Variants in KLF12 observed in about 807,000 individuals in gnomAD.
The protein encoded by KLF12 is KLF transcription factor 12.
KLF12 carries 9 observed loss-of-function variants against 37.8 expected under a neutral mutation model. The ratio of observed to expected loss-of-function variants is 0.24; its 90% CI spans 0.14 to 0.42. KLF12 has a LOEUF of 0.42. KLF12 is among the 10% of genes least tolerant of loss of function. The probability of loss-of-function intolerance (pLI) is 1.00; values close to 1 mark genes in which losing one functional copy is unlikely to be tolerated. For synonymous variants in KLF12, 208 were observed against 202.1 expected, an observed-to-expected ratio of 1.03 and a Z score of -0.25; for missense variants, 411 against 516.0, an observed-to-expected ratio of 0.80 and a Z score of 1.97.
chr13:73,762,161 C>T (rs1254127504), intron 6 of KLF12, among the ~76,000 whole-genome samples: 2 of 152,148 alleles, frequency 1.3e-5, no homozygotes, highest in Admixed American at 6.6e-5. Flanking sequence ...AGCCTGAATC[C>T]ACTCCAACAT....
At chr13:74,157,460 T>A in the KLF12 span, among the ~76,000 whole-genome samples, 27 of 152,318 alleles carry the variant, frequency 1.8e-4, no homozygotes, top group African/African-American at 6.5e-4. Context: ...CATGTTACCC[T>A]AGACTTAACG....
At chr13:73,991,104 A>G (rs1036178038) in intron 2 of KLF12, among the ~76,000 whole-genome samples, 8 of 152,332 alleles carry the variant, frequency 5.3e-5, no homozygotes, top group African/African-American at 1.9e-4. Flanking sequence ...GATAAATAAG[A>G]TACCCAACAC....
chr13:73,910,393 C>G (rs1050590319), intron 3 of KLF12, among the ~76,000 whole-genome samples: 2 of 152,094 alleles, frequency 1.3e-5, no homozygotes. Flanking sequence ...ATTTTGTAAT[C>G]AAGTCATAAA....
At chr13:73,775,544 T>C (rs1880559789) in intron 5 of KLF12, among the ~76,000 whole-genome samples, 2 of 152,188 alleles carry the variant, frequency 1.3e-5, no homozygotes, top group Non-Finnish European at 2.9e-5. Context: ...TTCATGGATA[T>C]AAATATATTA....
the KLF12 span, among the ~76,000 whole-genome samples, chr13:74,147,951 G>A: frequency 1.3e-4 from 20 of 150,750 alleles, no homozygotes; most frequent in African/African-American, 2.4e-4. Context: ...TCACTCTGTC[G>A]CCCAGGCTGG....
At chr13:74,258,203 G>T in the KLF12 span, 1 of 134,938 alleles carries the variant, frequency 7.4e-6, no homozygotes, top group Non-Finnish European at 1.6e-5. Context: ...GTGTGTGTGT[G>T]TAGTAAAACC....
chr13:73,827,004 C>T (rs1883883602), intron 4 of KLF12, among the ~76,000 whole-genome samples: 1 of 152,166 alleles, frequency 6.6e-6, no homozygotes. Flanking sequence ...TGATCTTGAA[C>T]TCCTGGGCTT....
intron 6 of KLF12, among the ~76,000 whole-genome samples, chr13:73,738,112 T>TATATATACACAC: frequency 1.3e-5 from 1 of 74,758 alleles, no homozygotes; most frequent in Non-Finnish European, 2.7e-5. Context: ...TATATATATA[T>TATATATACACAC]ATATATATAT....
chr13:74,210,910 C>T, the KLF12 span, among the ~76,000 whole-genome samples: 216 of 152,160 alleles, frequency 1.4e-3, 1 homozygote, highest in African/African-American at 4.9e-3. Flanking sequence ...ATCTGGCTTT[C>T]ACATTTGCTC....
intron 1 of KLF12, among the ~76,000 whole-genome samples, chr13:74,027,971 A>G (rs529544837): frequency 2.5e-4 from 38 of 152,284 alleles, no homozygotes; most frequent in Non-Finnish European, 5.0e-4. Flanking sequence ...TGTCCCTTGT[A>G]AAGAAAGAAG....
At chr13:74,241,318 C>G in the KLF12 span, among the ~76,000 whole-genome samples, 1 of 151,484 alleles carries the variant, frequency 6.6e-6, no homozygotes, top group South Asian at 2.1e-4. Context: ...TCTCCAGCTG[C>G]GTACTGGGAG....
At chr13:74,155,414 T>G in the KLF12 span, among the ~76,000 whole-genome samples, 1 of 152,166 alleles carries the variant, frequency 6.6e-6, no homozygotes, top group South Asian at 2.1e-4. Context: ...CAGGCCACTG[T>G]GCAATTGCAT....
At chr13:74,040,425 C>T (rs1255125650) in intron 1 of KLF12, among the ~76,000 whole-genome samples, 1 of 152,152 alleles carries the variant, frequency 6.6e-6, no homozygotes, top group African/African-American at 2.4e-5. Flanking sequence ...AGTGGATGCA[C>T]TGGCCATCTG....
intron 1 of KLF12, among the ~76,000 whole-genome samples, chr13:74,048,603 G>A (rs1465551552): frequency 1.3e-5 from 2 of 152,062 alleles, no homozygotes; most frequent in African/African-American, 4.8e-5. Context: ...ACATAAGAAT[G>A]TGAATTTAAT....
At position 73,715,381 on chromosome 13, in the gene KLF12, C is replaced by G. The variant is rs1360484492; in HGVS notation, c.1014G>C (p.Arg338=). The G allele has an allele frequency of 6.2e-7, 1 of 1,613,594 alleles. No homozygotes were observed. The highest frequency in any genetic ancestry group is 8.5e-7 in the Non-Finnish European group (1 of 1,179,840). Residue 338 remains arginine, a synonymous_variant, in exon 7 of 8, where the codon CGG becomes CGC. Transcript: ENST00000377669. ...GCAGAGCGGTACCTGTATGTGTCCT[C>G]CGGTGAGCCTTCAGGTGAGAACTTT... is the stretch of plus-strand genomic sequence containing the variant.
intron 2 of KLF12, among the ~76,000 whole-genome samples, chr13:73,978,193 G>A (rs1308196766): frequency 6.6e-6 from 1 of 151,862 alleles, no homozygotes; most frequent in Non-Finnish European, 1.5e-5. Context: ...ATAAGTAACA[G>A]ACTGGGGAAA....
At chr13:74,191,322 A>G in the KLF12 span, among the ~76,000 whole-genome samples, 2 of 152,230 alleles carry the variant, frequency 1.3e-5, no homozygotes, top group Non-Finnish European at 2.9e-5. Flanking sequence ...TTGTTGCCTT[A>G]TCACAAGATA....
chr13:74,173,998 T>A, the KLF12 span, among the ~76,000 whole-genome samples: 5 of 152,168 alleles, frequency 3.3e-5, no homozygotes, highest in Non-Finnish European at 7.3e-5. Flanking sequence ...CATGGGCTAA[T>A]AACACAGCCA....
chr13:74,013,695 C>T lies in KLF12; in HGVS notation c.-31-18642G>A, dbSNP rs377506057. ...GAGGAATATGAACTCACATAAAAAACATGCAGCTTCTACTGAAGCATCTAT... is the reference window on the plus strand; with the variant it reads ...GAGGAATATGAACTCACATAAAAAATATGCAGCTTCTACTGAAGCATCTAT... On this transcript the variant is annotated intron_variant, in intron 1 of 7. Coordinates refer to ENST00000377669, the MANE Select transcript of KLF12 (RefSeq NM_007249.5). Among the ~76,000 whole-genome samples the T allele has an allele frequency of 5.9e-5, 9 of 152,254 alleles. No homozygotes were observed. The South Asian group carries it at 1.7e-3, about 28-fold the overall frequency.
Sources: gnomAD v4.1 joint callset for allele counts (sites outside exome capture counted in the v4.1 genomes callset) on GRCh38, gnomAD v4.1.1 for gene constraint, MANE v1.5 for transcripts, NCBI Gene and HGNC (gene_info 2026-07-23, HGNC 2026-07-21) for gene names.